The following SCGN variants were observed in gnomAD, a reference collection of about 807,000 sequenced individuals.
SCGN encodes secretagogin.
Under a neutral mutation model 39.7 loss-of-function variants are expected in SCGN, and 30 were observed. The ratio of observed to expected loss-of-function variants is 0.76; its 90% CI spans 0.57 to 1.03. The LOEUF (loss-of-function observed/expected upper bound fraction) is 1.03. Ranked by LOEUF, SCGN falls within the 50% of genes least tolerant of loss-of-function variation. The pLI is 0.00. For missense variants in SCGN, 353 were observed against 349.4 expected (o/e 1.01, Z -0.08); for synonymous variants, 106 against 114.1 (o/e 0.93, Z 0.45).
chr6:25,654,641 G>C (rs1487727515), intron 2 of SCGN, among the ~76,000 whole-genome samples: 1 of 151,732 alleles, frequency 6.6e-6, no homozygotes, highest in Non-Finnish European at 1.5e-5. Context: ...GCTTCTCAAA[G>C]CTCTTTTGGT....
chr6:25,656,784 T>A (rs958614100), intron 2 of SCGN, among the ~76,000 whole-genome samples: 7 of 152,330 alleles, frequency 4.6e-5, no homozygotes, highest in African/African-American at 1.7e-4. Flanking sequence ...AGATTCTGTG[T>A]CCTCAAACTA....
chr6:25,691,215 A>C (rs1236707184), intron 10 of SCGN, 91 bp downstream of exon 10: 7 of 965,880 alleles, frequency 7.2e-6, no homozygotes, highest in African/African-American at 6.5e-5. Flanking sequence ...CTGAAGGTTA[A>C]TGTCAAAGAT....
At chr6:25,667,285 T>C (rs1760439387) in intron 4 of SCGN, among the ~76,000 whole-genome samples, 1 of 152,168 alleles carries the variant, frequency 6.6e-6, no homozygotes, top group African/African-American at 2.4e-5. Context: ...TAAATTCCAC[T>C]TTTCCTGCCT....
intron 2 of SCGN, among the ~76,000 whole-genome samples, chr6:25,659,630 G>A (rs1394532720): frequency 6.6e-6 from 1 of 152,094 alleles, no homozygotes; most frequent in African/African-American, 2.4e-5. Flanking sequence ...TTGCAGCAAT[G>A]GATAAAATTA....
intron 4 of SCGN, among the ~76,000 whole-genome samples, chr6:25,668,838 G>A (rs193240357): frequency 6.6e-5 from 10 of 152,262 alleles, no homozygotes; most frequent in Non-Finnish European, 1.3e-4. Flanking sequence ...TTGGCCGGGC[G>A]CAGTGGCTCA....
chr6:25,674,930 T>C (rs1324901518), intron 6 of SCGN, among the ~76,000 whole-genome samples: 5 of 152,238 alleles, frequency 3.3e-5, no homozygotes, highest in African/African-American at 9.6e-5. Context: ...TTTAAGCTAA[T>C]AATTCTGGCT....
chr6:25,659,589 A>G (rs969244361), intron 2 of SCGN, among the ~76,000 whole-genome samples: 1 of 152,212 alleles, frequency 6.6e-6, no homozygotes, highest in Non-Finnish European at 1.5e-5. Flanking sequence ...ACAAAGACTA[A>G]TCTGAAGGAA....
Position 25,688,315 on chromosome 6 carries a change from A to G in SCGN, c.528-857A>G, listed in dbSNP as rs572610294. Among the ~76,000 whole-genome samples the G allele has an allele frequency of 1.5e-3, 226 of 152,256 alleles. 1 individual carries two copies. Among genetic ancestry groups the G allele is most frequent in the Middle Eastern group, 3.4e-3 (1 of 294 alleles). On this transcript the variant is annotated intron_variant, in intron 7 of 10. Coordinates refer to ENST00000377961, the MANE Select transcript of SCGN (RefSeq NM_006998.4). The stretch of plus-strand genomic sequence containing the variant: ...TTGGTGACTTTTCTGAACTAATTCT[A>G]TGAAGTCTATATTCTTTGTCAGGTG...
chr6:25,689,396 T>G, intron 8 of SCGN, 77 bp from the exon 9 acceptor site: 2 of 1,388,784 alleles, frequency 1.4e-6, no homozygotes, highest in Non-Finnish European at 2.0e-6. Flanking sequence ...TTTACAAAAT[T>G]TGCCCAGGAC....
chr6:25,667,948 C>T (rs375351827), intron 4 of SCGN, among the ~76,000 whole-genome samples: 5 of 152,076 alleles, frequency 3.3e-5, no homozygotes, highest in East Asian at 1.9e-4. Flanking sequence ...CATATTCATA[C>T]GATAAAAGAT....
intron 2 of SCGN, among the ~76,000 whole-genome samples, chr6:25,653,800 G>A (rs1186369851): frequency 6.6e-6 from 1 of 152,150 alleles, no homozygotes; most frequent in Admixed American, 6.5e-5. Context: ...CAAAAAGCTG[G>A]AAAAGATGTT....
intron 6 of SCGN, among the ~76,000 whole-genome samples, chr6:25,673,523 G>T (rs1027542437): frequency 1.3e-5 from 2 of 152,164 alleles, no homozygotes; most frequent in Non-Finnish European, 2.9e-5. Flanking sequence ...AATATTTTTA[G>T]CCTAGATTCG....
intron 2 of SCGN, among the ~76,000 whole-genome samples, chr6:25,657,136 C>T (rs775118940): frequency 3.3e-5 from 5 of 152,168 alleles, no homozygotes; most frequent in South Asian, 2.1e-4. Context: ...AATCCCACCA[C>T]GATTAGTGGG....
intron 10 of SCGN, among the ~76,000 whole-genome samples, chr6:25,695,852 G>A (rs764187147): frequency 6.6e-6 from 1 of 152,164 alleles, no homozygotes; most frequent in East Asian, 1.9e-4. Flanking sequence ...TTAACAGCCC[G>A]TAGCTCACTC....
chr6:25,686,148 T>C (rs1759702666), intron 7 of SCGN, among the ~76,000 whole-genome samples: 1 of 152,216 alleles, frequency 6.6e-6, no homozygotes, highest in Non-Finnish European at 1.5e-5. Context: ...TCATTTGAGT[T>C]GTTTTCACTT....
chr6:25,653,600 A>G, intron 2 of SCGN, 148 bp downstream of exon 2: 1 of 614,812 alleles, frequency 1.6e-6, no homozygotes, highest in Non-Finnish European at 2.8e-6. Flanking sequence ...AGCAACATAG[A>G]GGGATTTAGG....
Position 25,684,054 on chromosome 6 carries a change from C to T in SCGN, c.527+2048C>T, listed in dbSNP as rs184697853. Among the ~76,000 whole-genome samples, 25 of 152,206 alleles carry T rather than the reference C, an allele frequency of 1.6e-4. No homozygotes were observed. The East Asian group carries it at 4.8e-3, about 29-fold the overall frequency. Reference sequence around the variant, plus strand: ...ATGCCAGAAACCTAATATCCCTAGCCCTATGTACAAAATGCTAGTTGTGCC... The same window carrying T: ...ATGCCAGAAACCTAATATCCCTAGCTCTATGTACAAAATGCTAGTTGTGCC... On this transcript the variant is annotated intron_variant, in intron 7 of 10. Transcript: ENST00000377961.
At chr6:25,695,775 C>T (rs1197373770) in intron 10 of SCGN, among the ~76,000 whole-genome samples, 1 of 152,182 alleles carries the variant, frequency 6.6e-6, no homozygotes, top group Admixed American at 6.6e-5. Context: ...AAGTGATCTG[C>T]CCACCTTGGC....
intron 4 of SCGN, among the ~76,000 whole-genome samples, chr6:25,665,415 C>A (rs577599140): frequency 2.6e-4 from 39 of 152,272 alleles, no homozygotes; most frequent in Admixed American, 1.2e-3. Context: ...ATCTAGGAAT[C>A]TAGACTCTAG....
Sources: allele counts gnomAD v4.1 joint callset (sites outside exome capture counted in the v4.1 genomes callset), GRCh38; gene constraint gnomAD v4.1.1; transcripts MANE v1.5; gene names NCBI Gene and HGNC (gene_info 2026-07-23, HGNC 2026-07-21).